The following PDGFRL variants were observed in gnomAD, a reference collection of about 807,000 sequenced individuals.
The protein encoded by PDGFRL is platelet derived growth factor receptor like.
PDGFRL carries 46 observed loss-of-function variants against 37.2 expected under a neutral mutation model. That is an observed-to-expected ratio of 1.24 (90% CI 0.98 to 1.58). PDGFRL has a LOEUF of 1.58. PDGFRL is among the 40% of genes most tolerant of loss of function. The pLI, the probability that PDGFRL is intolerant of heterozygous loss-of-function variation, is 0.00. For missense variants in PDGFRL, 692 were observed against 467.6 expected (o/e 1.48, Z -4.43); for synonymous variants, 251 against 184.3 (o/e 1.36, Z -2.93).
chr8:17,599,575 A>C (rs1226638116), intron 2 of PDGFRL, among the ~76,000 whole-genome samples: 4 of 152,036 alleles, frequency 2.6e-5, no homozygotes, highest in African/African-American at 9.7e-5. Context: ...CTGCACATGG[A>C]CCCTGAGGAC....
At chr8:17,627,022 C>G (rs145850852) in intron 3 of PDGFRL, among the ~76,000 whole-genome samples, 1 of 152,178 alleles carries the variant, frequency 6.6e-6, no homozygotes, top group South Asian at 2.1e-4. Context: ...CCTCCGCTAA[C>G]CTTGGCAGGC....
chr8:17,578,080 T>A (rs1208632073), intron 1 of PDGFRL, among the ~76,000 whole-genome samples: 1 of 151,580 alleles, frequency 6.6e-6, no homozygotes, highest in African/African-American at 2.4e-5. Flanking sequence ...ATTACTGTGG[T>A]GTGTATTATA....
intron 3 of PDGFRL, among the ~76,000 whole-genome samples, chr8:17,625,686 A>G (rs548339945): frequency 6.6e-5 from 10 of 152,262 alleles, no homozygotes; most frequent in African/African-American, 2.4e-4. Context: ...AGTAAAGTAT[A>G]TATTATAGTA....
rs182318280 is a variant in PDGFRL at position 17,606,661 on chromosome 8, G to A, written c.354-14390G>A. Among the ~76,000 whole-genome samples the A allele has an allele frequency of 4.8e-3, 726 of 151,404 alleles. 6 individuals carry two copies. The highest frequency in any genetic ancestry group is 0.017 in the African/African-American group (695 of 41,308). ...CCAGTGTACTCAATGTTCTGAGAGCGTTCAGCTTGCAGAAAAACACAGCTA... is the reference window on the plus strand; with the variant it reads ...CCAGTGTACTCAATGTTCTGAGAGCATTCAGCTTGCAGAAAAACACAGCTA... On this transcript the variant is annotated intron_variant, in intron 2 of 5. Coordinates refer to ENST00000251630, the MANE Select transcript of PDGFRL (RefSeq NM_001372073.1).
chr8:17,578,351 C>T (rs577799025), intron 1 of PDGFRL, among the ~76,000 whole-genome samples: 2 of 152,298 alleles, frequency 1.3e-5, no homozygotes, highest in South Asian at 2.1e-4. Flanking sequence ...TAGGAAACTA[C>T]ATTTGCCAAA....
chr8:17,640,582 C>A lies in PDGFRL; in HGVS notation c.940-2031C>A, dbSNP rs548344250. ...CTAGCCACCCAGCAGAGTTACTGGG[C>A]TCTGGGCTGGTACTTAGTGGTGCCT... On this transcript the variant is annotated intron_variant, in intron 5 of 5. Coordinates refer to ENST00000251630, the MANE Select transcript of PDGFRL (RefSeq NM_001372073.1). 4.6e-5 allele frequency among the ~76,000 whole-genome samples: 7 copies of A among 152,226 alleles called. No individual in the cohort carries two copies. In the South Asian group the frequency reaches 1.5e-3, roughly 32 times the overall value.
chr8:17,636,753 G>A (rs1048612200), intron 5 of PDGFRL, among the ~76,000 whole-genome samples: 1 of 152,182 alleles, frequency 6.6e-6, no homozygotes, highest in Non-Finnish European at 1.5e-5. Context: ...ATGAGCATGC[G>A]ATGTGTTTCC....
At chr8:17,626,176 T>G (rs531121785) in intron 3 of PDGFRL, among the ~76,000 whole-genome samples, 45 of 152,322 alleles carry the variant, frequency 3.0e-4, no homozygotes, top group African/African-American at 9.6e-4. Context: ...TTCAATATTA[T>G]CCACTCCAGA....
At chr8:17,621,853 G>A (rs146309165) in intron 3 of PDGFRL, among the ~76,000 whole-genome samples, 12 of 152,002 alleles carry the variant, frequency 7.9e-5, no homozygotes, top group East Asian at 5.8e-4. Context: ...TTGATTTTTC[G>A]GTAGAAGTGA....
intron 1 of PDGFRL, among the ~76,000 whole-genome samples, chr8:17,581,423 G>A (rs1448610570): frequency 6.6e-6 from 1 of 152,090 alleles, no homozygotes; most frequent in Admixed American, 6.6e-5. Flanking sequence ...GGAGGCTTCT[G>A]AACGAAGAAG....
rs1448951877 is a variant in PDGFRL, at chr8:17,643,073, A to G, written c.*272A>G. On this transcript the variant is annotated 3_prime_UTR_variant, in exon 6 of 6. Coordinates refer to ENST00000251630, the MANE Select transcript of PDGFRL (RefSeq NM_001372073.1). ...TATACATGTGTAAACAATTTTATAT[A>G]ATCAATCATTTCTATTAAATGAGCA... 6 of 336,352 alleles carry G rather than the reference A, an allele frequency of 1.8e-5. No homozygotes were observed. The highest frequency in any genetic ancestry group is 1.3e-4 in the African/African-American group (6 of 46,918). 20.8% of individuals were successfully genotyped at this position (336,352 alleles called of 1,614,324 possible). A position where few individuals can be genotyped will look rare whatever the true frequency, so the allele number is the denominator to read the frequency against.
At chr8:17,624,480 ATAAAT>A (rs1204983148) in intron 3 of PDGFRL, among the ~76,000 whole-genome samples, 3 of 152,240 alleles carry the variant, frequency 2.0e-5, no homozygotes, top group Non-Finnish European at 4.4e-5. Context: ...ATACAGCTCA[ATAAAT>A]TATCCTTAAG....
chr8:17,627,225 A>G (rs999801004), intron 3 of PDGFRL, among the ~76,000 whole-genome samples: 1 of 152,244 alleles, frequency 6.6e-6, no homozygotes, highest in African/African-American at 2.4e-5. Context: ...TAAAACTTAC[A>G]ATCATAAAAT....
At chr8:17,599,297 C>T (rs1804117718) in intron 2 of PDGFRL, among the ~76,000 whole-genome samples, 2 of 152,184 alleles carry the variant, frequency 1.3e-5, no homozygotes, top group African/African-American at 4.8e-5. Context: ...CCTCACTGCC[C>T]CAAACTCTTC....
At chr8:17,595,515 G>T (rs2705067) in intron 2 of PDGFRL, among the ~76,000 whole-genome samples, 1 of 152,194 alleles carries the variant, frequency 6.6e-6, no homozygotes, top group Non-Finnish European at 1.5e-5. Flanking sequence ...AGGTTTCTCA[G>T]CCTCCTGAGA....
chr8:17,611,647 C>T (rs150007507), intron 2 of PDGFRL, among the ~76,000 whole-genome samples: 5 of 152,286 alleles, frequency 3.3e-5, no homozygotes, highest in African/African-American at 1.2e-4. Context: ...CCGGGTTACT[C>T]AGCTTAAGGG....
At chr8:17,640,470 C>T (rs1277288148) in intron 5 of PDGFRL, among the ~76,000 whole-genome samples, 1 of 152,144 alleles carries the variant, frequency 6.6e-6, no homozygotes. Flanking sequence ...CCATGGGGTG[C>T]TCTCTTGATA....
intron 3 of PDGFRL, among the ~76,000 whole-genome samples, chr8:17,627,287 G>T (rs1459611540): frequency 1.3e-5 from 2 of 152,198 alleles, no homozygotes; most frequent in African/African-American, 2.4e-5. Flanking sequence ...TTTGGATGTA[G>T]TTTACAGCTT....
chr8:17,613,127 T>G (rs1804456164), intron 2 of PDGFRL, among the ~76,000 whole-genome samples: 1 of 152,208 alleles, frequency 6.6e-6, no homozygotes, highest in African/African-American at 2.4e-5. Context: ...TTACGATCAC[T>G]GTCATTGCGG....
Sources: gnomAD v4.1 joint callset for allele counts (sites outside exome capture counted in the v4.1 genomes callset) on GRCh38, gnomAD v4.1.1 for gene constraint, MANE v1.5 for transcripts, NCBI Gene and HGNC (gene_info 2026-07-23, HGNC 2026-07-21) for gene names.